SMARCC1: variants seen among roughly 807,000 people sequenced by gnomAD.
SMARCC1 encodes SWI/SNF complex subunit SMARCC1.
In SMARCC1, 43 loss-of-function variants were observed where a neutral mutation model predicts 147.4. The ratio of observed to expected loss-of-function variants is 0.29; its 90% CI spans 0.23 to 0.38. The LOEUF (loss-of-function observed/expected upper bound fraction) is 0.38. Ranked by LOEUF, SMARCC1 falls within the 10% of genes least tolerant of loss-of-function variation. The pLI is 1.00. For missense variants in SMARCC1, 1,119 were observed against 1,381.1 expected (o/e 0.81, Z 3.01); for synonymous variants, 495 against 484.4 (o/e 1.02, Z -0.29).
intron 7 of SMARCC1, among the ~76,000 whole-genome samples, chr3:47,716,717 C>T (rs2034160595): frequency 6.6e-6 from 1 of 152,164 alleles, no homozygotes; most frequent in Admixed American, 6.6e-5. Flanking sequence ...CAAACCTTTT[C>T]CTATATAGTT....
intron 25 of SMARCC1, among the ~76,000 whole-genome samples, chr3:47,614,303 G>A (rs1420437657): frequency 1.3e-5 from 2 of 152,192 alleles, no homozygotes; most frequent in African/African-American, 4.8e-5. Context: ...GTTGCAGTGT[G>A]CTTGCTTCTT....
Position 47,656,743 on chromosome 3 carries a change from G to A in SMARCC1, c.2320+4551C>T, listed in dbSNP as rs531055277. ...CAGCCAGGAAATATGGTGAAACCCCGTCTCTACTAAAAATACAAAAATTAG... is the reference window on the plus strand; with the variant it reads ...CAGCCAGGAAATATGGTGAAACCCCATCTCTACTAAAAATACAAAAATTAG... On this transcript the variant is annotated intron_variant, in intron 21 of 27. Transcript: ENST00000254480. Among the ~76,000 whole-genome samples, 29 of 152,062 alleles carry A rather than the reference G, an allele frequency of 1.9e-4. No individual in the cohort carries two copies. The South Asian group carries it at 4.6e-3, about 24-fold the overall frequency.
intron 2 of SMARCC1, among the ~76,000 whole-genome samples, chr3:47,759,707 G>A (rs1415448267): frequency 7.3e-5 from 11 of 151,044 alleles, no homozygotes; most frequent in Non-Finnish European, 1.6e-4. Flanking sequence ...GGCTGAGGCA[G>A]GTGGATCACC....
chr3:47,631,894 G>A (rs1261601189), intron 24 of SMARCC1, among the ~76,000 whole-genome samples: 1 of 152,138 alleles, frequency 6.6e-6, no homozygotes, highest in Non-Finnish European at 1.5e-5. Context: ...GATCATGTGT[G>A]CTATCAAATT....
intron 6 of SMARCC1, among the ~76,000 whole-genome samples, chr3:47,728,078 CTTTTT>C (rs1166964500): frequency 1.4e-3 from 80 of 56,868 alleles, no homozygotes; most frequent in African/African-American, 4.5e-3. Flanking sequence ...TTATTAGTCC[CTTTTT>C]TTTTTTTTTT....
intron 21 of SMARCC1, among the ~76,000 whole-genome samples, chr3:47,651,448 G>A (rs1014041419): frequency 5.9e-5 from 9 of 152,118 alleles, no homozygotes; most frequent in African/African-American, 1.2e-4. Context: ...CACCAATCGA[G>A]CTATTATAAC....
intron 24 of SMARCC1, among the ~76,000 whole-genome samples, chr3:47,633,941 G>T (rs2032934849): frequency 6.6e-6 from 1 of 151,752 alleles, no homozygotes; most frequent in Non-Finnish European, 1.5e-5. Flanking sequence ...ACACTCCAGG[G>T]TAGCAGAAGA....
Position 47,655,932 on chromosome 3 carries a change from T to A in SMARCC1, c.2320+5362A>T, listed in dbSNP as rs896725154. 6.6e-5 allele frequency among the ~76,000 whole-genome samples: 10 copies of A among 151,886 alleles called. No individual in the cohort carries two copies. In the East Asian group the frequency reaches 1.7e-3, roughly 26 times the overall value. ...CTACAAATAATTACAGAGACAATAATGTTTTTAGGTTGGCTCATGCCTGTA... is the reference window on the plus strand; with the variant it reads ...CTACAAATAATTACAGAGACAATAAAGTTTTTAGGTTGGCTCATGCCTGTA... On this transcript the variant is annotated intron_variant, in intron 21 of 27. Transcript: ENST00000254480.
rs202138987 is a variant in SMARCC1, at chr3:47,590,668, G to T, written c.3213C>A (p.Asn1071Lys). The T allele has an allele frequency of 6.5e-7, 1 of 1,539,344 alleles. No individual in the cohort carries two copies. The highest frequency in any genetic ancestry group is 2.4e-5 in the East Asian group (1 of 41,466). ...CCCCTCCATGTTACTTACACATGCC[G>T]TTAGGTGCTGTCAGGGGTACCCGGG... Reference protein sequence around the residue: ...LGPRVPLTAPNGMYPPPPQQQ... With the variant: ...LGPRVPLTAPKGMYPPPPQQQ... The change falls in exon 27 of 28, where the codon AAC becomes AAA. Residue 1071 changes from asparagine (N) to lysine (K), a missense_variant. This residue lies in a region of SMARCC1 where 186 missense variants were observed against 216.5 expected (regional missense o/e 0.86). Coordinates refer to ENST00000254480, the MANE Select transcript of SMARCC1 (RefSeq NM_003074.4).
chr3:47,687,897 G>A (rs1005731463), intron 13 of SMARCC1, among the ~76,000 whole-genome samples: 8 of 152,116 alleles, frequency 5.3e-5, no homozygotes, highest in Non-Finnish European at 8.8e-5. Context: ...CCAAAATGCT[G>A]ACGTCATAGG....
At chr3:47,777,888 C>A (rs1391746207) in intron 1 of SMARCC1, among the ~76,000 whole-genome samples, 1 of 151,716 alleles carries the variant, frequency 6.6e-6, no homozygotes, top group Non-Finnish European at 1.5e-5. Flanking sequence ...TTTTCCAAAT[C>A]ATCCTACCAA....
intron 11 of SMARCC1, among the ~76,000 whole-genome samples, chr3:47,694,670 C>A (rs1053770218): frequency 6.6e-6 from 1 of 152,222 alleles, no homozygotes; most frequent in Non-Finnish European, 1.5e-5. Context: ...CTTTCATCAA[C>A]AGCATTTGAT....
At chr3:47,729,413 T>C (rs938536247) in intron 5 of SMARCC1, among the ~76,000 whole-genome samples, 2 of 152,154 alleles carry the variant, frequency 1.3e-5, no homozygotes, top group African/African-American at 4.8e-5. Context: ...AATGGAGTCT[T>C]GCTCTGTCAC....
chr3:47,662,813 G>A (rs141851273), intron 19 of SMARCC1, among the ~76,000 whole-genome samples: 52 of 151,760 alleles, frequency 3.4e-4, no homozygotes, highest in African/African-American at 8.7e-4. Context: ...TGGCTCACGC[G>A]TATAATCTCA....
At chr3:47,634,263 TGA>T (rs1307543661) in intron 24 of SMARCC1, among the ~76,000 whole-genome samples, 1 of 152,230 alleles carries the variant, frequency 6.6e-6, no homozygotes, top group Non-Finnish European at 1.5e-5. Context: ...CTGGGTTGAC[TGA>T]GCATTTGCTG....
intron 10 of SMARCC1, among the ~76,000 whole-genome samples, chr3:47,705,948 C>T (rs2033987637): frequency 6.6e-6 from 1 of 152,136 alleles, no homozygotes; most frequent in East Asian, 1.9e-4. Context: ...CCAAAGCTCA[C>T]TAAGTACAAA....
At chr3:47,592,702 G>GATCC (rs2032203495) in intron 26 of SMARCC1, among the ~76,000 whole-genome samples, 1 of 152,106 alleles carries the variant, frequency 6.6e-6, no homozygotes, top group South Asian at 2.1e-4. Flanking sequence ...AAACTCAAGC[G>GATCC]ATCCCCCTGC....
chr3:47,634,064 G>C (rs1032213478), intron 24 of SMARCC1, among the ~76,000 whole-genome samples: 2 of 152,086 alleles, frequency 1.3e-5, no homozygotes, highest in Non-Finnish European at 2.9e-5. Flanking sequence ...CTTCCCAGAG[G>C]GGGATGTAGG....
chr3:47,686,955 C>T (rs1032465562), intron 13 of SMARCC1, among the ~76,000 whole-genome samples: 3 of 152,124 alleles, frequency 2.0e-5, no homozygotes, highest in Non-Finnish European at 4.4e-5. Flanking sequence ...CACTGCCCTG[C>T]ACTCCAGTCT....
Sources: gnomAD v4.1 joint callset for allele counts (sites outside exome capture counted in the v4.1 genomes callset) on GRCh38, gnomAD v4.1.1 for gene constraint, gnomAD v4.1.1 regional missense constraint, MANE v1.5 for transcripts, NCBI Gene and HGNC (gene_info 2026-07-23, HGNC 2026-07-21) for gene names.